CACNA1A: variants seen among roughly 807,000 people sequenced by gnomAD.
CACNA1A encodes calcium voltage-gated channel subunit alpha1 A, also known as voltage-dependent P/Q-type calcium channel subunit alpha-1A.
CACNA1A carries 57 observed loss-of-function variants against 262.4 expected under a neutral mutation model. That is an observed-to-expected ratio of 0.22 (90% CI 0.18 to 0.27). The LOEUF (loss-of-function observed/expected upper bound fraction) is 0.27. CACNA1A is among the 10% of genes least tolerant of loss of function. The pLI, the probability that CACNA1A is intolerant of heterozygous loss-of-function variation, is 1.00. For missense variants in CACNA1A, 2,526 were observed against 3,562.8 expected (o/e 0.71, Z 7.41); for synonymous variants, 1,431 against 1,419.3 (o/e 1.01, Z -0.18).
rs1322783029 is a variant in CACNA1A, at chr19:13,231,803, C to T, written c.5307G>A (p.Pro1769=). The T allele has an allele frequency of 1.1e-5, 17 of 1,613,698 alleles. No homozygotes were observed. The highest frequency in any genetic ancestry group is 4.5e-5 in the East Asian group (2 of 44,896). The part of the protein sequence containing the change: ...NIMLSCLSGK[P]CDKNSGILTR... ...TCAGGATGCCAGAGTTCTTATCACACGGTTTCCCGCTGAGGCAGGAAAGCA... is the reference window on the plus strand; with the variant it reads ...TCAGGATGCCAGAGTTCTTATCACATGGTTTCCCGCTGAGGCAGGAAAGCA... Residue 1769 remains proline, a synonymous_variant, in exon 35 of 47, where the codon CCG becomes CCA. Coordinates refer to ENST00000360228, the MANE Select transcript of CACNA1A (RefSeq NM_001127222.2).
chr19:13,462,503 G>A (rs1326381424), intron 1 of CACNA1A, among the ~76,000 whole-genome samples: 1 of 152,124 alleles, frequency 6.6e-6, no homozygotes, highest in East Asian at 1.9e-4. Flanking sequence ...AACTATTATG[G>A]GGCCATTAAC....
intron 19 of CACNA1A, among the ~76,000 whole-genome samples, chr19:13,291,957 G>C (rs2057548878): frequency 6.6e-6 from 1 of 152,158 alleles, no homozygotes; most frequent in African/African-American, 2.4e-5. Context: ...GGTTGTCATG[G>C]TGACAGATGC....
At chr19:13,325,196 C>CTTCTTCTTCT (rs1555765259) in intron 10 of CACNA1A, among the ~76,000 whole-genome samples, 4 of 128,026 alleles carry the variant, frequency 3.1e-5, no homozygotes, top group Admixed American at 8.2e-5. Flanking sequence ...TCTTCTTCTT[C>CTTCTTCTTCT]TTTTTTTTTT....
At position 13,206,639 on chromosome 19, in the gene CACNA1A, A is replaced by G. The variant is rs983110198; in HGVS notation, c.*674T>C. 2.0e-5 allele frequency: 3 copies of G among 153,244 alleles called. No homozygotes were observed. Among genetic ancestry groups the G allele is most frequent in the African/African-American group, 7.3e-5 (3 of 40,952 alleles). The allele number at this position is 153,244 out of a possible 1,614,324, so 9.5% of individuals were successfully genotyped here. ...TCAGAAAAAAATGCCTCTTTTCTCAATCATTAATTTTTTTGTCCTTTTTAA... is the reference window on the plus strand; with the variant it reads ...TCAGAAAAAAATGCCTCTTTTCTCAGTCATTAATTTTTTTGTCCTTTTTAA... On this transcript the variant is annotated 3_prime_UTR_variant, in exon 47 of 47. Transcript: ENST00000360228.
At chr19:13,267,396 C>A (rs553386905) in intron 24 of CACNA1A, among the ~76,000 whole-genome samples, 1 of 152,300 alleles carries the variant, frequency 6.6e-6, no homozygotes, top group East Asian at 1.9e-4. Context: ...CAGTCCCCCG[C>A]CCTTGGCAGG....
At chr19:13,221,244 T>TCTTTCTTTCTTTCTCTTTC (rs2055216820) in intron 38 of CACNA1A, among the ~76,000 whole-genome samples, 1 of 55,174 alleles carries the variant, frequency 1.8e-5, no homozygotes, top group Admixed American at 2.4e-4. Flanking sequence ...CTTTTTTTTT[T>TCTTTCTTTCTTTCTCTTTC]TTTTTTTGAG....
intron 15 of CACNA1A, among the ~76,000 whole-genome samples, chr19:13,305,190 G>C (rs2057875724): frequency 6.6e-6 from 1 of 152,186 alleles, no homozygotes; most frequent in African/African-American, 2.4e-5. Context: ...GGTCTTGCTG[G>C]GGAGCTCTAG....
rs533297364 is a variant in CACNA1A at position 13,433,460 on chromosome 19, C to CAAAAAAAAAAAAAAAAAA, written c.539+19398_539+19415dup. 5.5e-3 allele frequency among the ~76,000 whole-genome samples: 421 copies of CAAAAAAAAAAAAAAAAAA among 76,146 alleles called. 28 individuals carry two copies. Among genetic ancestry groups the CAAAAAAAAAAAAAAAAAA allele is most frequent in the East Asian group, 0.011 (25 of 2,250 alleles). 50.0% of individuals were successfully genotyped at this position (76,146 alleles called of 152,430 possible). A position where few individuals can be genotyped will look rare whatever the true frequency, so the allele number is the denominator to read the frequency against. On this transcript the variant is annotated intron_variant, in intron 3 of 46. Coordinates refer to ENST00000360228, the MANE Select transcript of CACNA1A (RefSeq NM_001127222.2). Reference sequence around the variant, plus strand: ...TCGGCAACAAAGCAAGACGCTGTCTCAAAAAAAAAAAAAAAAAAAAAAAGT... The same window carrying CAAAAAAAAAAAAAAAAAA: ...TCGGCAACAAAGCAAGACGCTGTCTCAAAAAAAAAAAAAAAAAAAAAAAAAAAAAAAAAAAAAAAAAGT...
intron 38 of CACNA1A, among the ~76,000 whole-genome samples, chr19:13,222,055 C>T (rs1015560479): frequency 6.6e-5 from 10 of 151,844 alleles, no homozygotes; most frequent in Non-Finnish European, 1.2e-4. Context: ...TACAGGTACC[C>T]GCCACCACAC....
chr19:13,365,491 C>A, intron 4 of CACNA1A, 22 bp from the exon 5 acceptor site: 1 of 1,609,862 alleles, frequency 6.2e-7, no homozygotes, highest in Non-Finnish European at 8.5e-7. Flanking sequence ...CAGAGAGAGG[C>A]CCCATAAGCC....
chr19:13,423,711 T>C (rs2060354211), intron 3 of CACNA1A, among the ~76,000 whole-genome samples: 1 of 151,898 alleles, frequency 6.6e-6, no homozygotes, highest in African/African-American at 2.4e-5. Flanking sequence ...GATGAGGTTT[T>C]GCCACGTTGC....
At chr19:13,436,915 G>C (rs545505681) in intron 3 of CACNA1A, among the ~76,000 whole-genome samples, 8 of 152,344 alleles carry the variant, frequency 5.3e-5, no homozygotes, top group African/African-American at 1.7e-4. Flanking sequence ...AAGGCCCCTG[G>C]ACTGCCCCCA....
chr19:13,219,736 C>T (rs1338660156), intron 38 of CACNA1A, among the ~76,000 whole-genome samples: 1 of 151,886 alleles, frequency 6.6e-6, no homozygotes, highest in Non-Finnish European at 1.5e-5. Flanking sequence ...GGGCAGATCA[C>T]GAGGTTGGGA....
rs1568416040 is a variant in CACNA1A, at chr19:13,207,594, C to T, written c.7240G>A (p.Asp2414Asn). 6.7e-7 allele frequency: 1 copy of T among 1,481,742 alleles called. No homozygotes were observed. Among genetic ancestry groups the T allele is most frequent in the Non-Finnish European group, 9.0e-7 (1 of 1,116,400 alleles). 91.8% of individuals were successfully genotyped at this position (1,481,742 alleles called of 1,614,324 possible). Residue 2414 changes from aspartate (D) to asparagine (N), a missense_variant, in exon 47 of 47, where the codon GAC becomes AAC. Coordinates refer to ENST00000360228, the MANE Select transcript of CACNA1A (RefSeq NM_001127222.2). The surrounding 1 kb of genome is among the most constrained non-coding windows in gnomAD (Gnocchi z 5.7). ...PRHHGYYRGS[D>N]YDEADGPGSG... Reference sequence around the variant, plus strand: ...CCCGGGCCATCGGCCTCGTCGTAGTCGGAGCCCCGGTAGTAGCCATGGTGC... The same window carrying T: ...CCCGGGCCATCGGCCTCGTCGTAGTTGGAGCCCCGGTAGTAGCCATGGTGC...
At chr19:13,378,375 A>T (rs2059453500) in intron 3 of CACNA1A, among the ~76,000 whole-genome samples, 1 of 152,242 alleles carries the variant, frequency 6.6e-6, no homozygotes, top group African/African-American at 2.4e-5. Context: ...GGTTTGAAAG[A>T]ACTGACTCCA....
intron 1 of CACNA1A, among the ~76,000 whole-genome samples, chr19:13,462,034 G>A (rs2061133369): frequency 6.6e-6 from 1 of 152,212 alleles, no homozygotes; most frequent in Non-Finnish European, 1.5e-5. Context: ...TAGGGAAGAA[G>A]GAGGGCTTGC....
intron 1 of CACNA1A, among the ~76,000 whole-genome samples, chr19:13,494,573 T>C (rs1203740569): frequency 6.6e-6 from 1 of 152,204 alleles, no homozygotes; most frequent in African/African-American, 2.4e-5. Context: ...CCAGATCACA[T>C]GGGGCCTTAA....
At chr19:13,343,879 A>G (rs2058715723) in intron 6 of CACNA1A, among the ~76,000 whole-genome samples, 1 of 152,238 alleles carries the variant, frequency 6.6e-6, no homozygotes, top group South Asian at 2.1e-4. Flanking sequence ...GCCAAGAAGC[A>G]ACTAAGAGGG....
chr19:13,350,691 C>T lies in CACNA1A; in HGVS notation c.978+8915G>A, dbSNP rs77961091. On this transcript the variant is annotated intron_variant, in intron 6 of 46. Transcript: ENST00000360228. ...GTTATGAAGAATCACATCTCTTAAA[C>T]GACATCACAACTCCTTAAAAAAAAA... 1.1e-4 allele frequency among the ~76,000 whole-genome samples: 16 copies of T among 150,338 alleles called. No homozygotes were observed. In the East Asian group the frequency reaches 2.4e-3, roughly 22 times the overall value.
Sources: gnomAD v4.1 joint callset for allele counts (sites outside exome capture counted in the v4.1 genomes callset) on GRCh38, gnomAD v4.1.1 for gene constraint, Gnocchi (gnomAD v3.1) non-coding constraint, MANE v1.5 for transcripts, NCBI Gene and HGNC (gene_info 2026-07-23, HGNC 2026-07-21) for gene names.